The following RESF1 variants were observed in gnomAD, a reference collection of about 807,000 sequenced individuals.
The protein encoded by RESF1 is retroelement silencing factor 1, also known as gonad expressed transcript.
In RESF1, 65 loss-of-function variants were observed where a neutral mutation model predicts 134.7. That is an observed-to-expected ratio of 0.48 (90% confidence interval 0.40 to 0.59). The LOEUF is 0.59. RESF1 is among the 20% of genes least tolerant of loss of function. The probability of loss-of-function intolerance (pLI) is 0.00; values close to 1 mark genes in which losing one functional copy is unlikely to be tolerated. For missense variants in RESF1, 2,274 were observed against 2,002.7 expected (o/e 1.14, Z -2.59); for synonymous variants, 762 against 702.2 (o/e 1.09, Z -1.35).
chr12:31,972,588 AGAGT>A (rs752469934), intron 3 of RESF1, among the ~76,000 whole-genome samples: 8 of 140,168 alleles, frequency 5.7e-5, no homozygotes, highest in Non-Finnish European at 1.1e-4. Flanking sequence ...CCTGGGTGAC[AGAGT>A]GAGACTCCGT....
Position 31,983,820 on chromosome 12 carries a change from A to C in RESF1, c.2865A>C (p.Gln955His). 1.2e-6 allele frequency: 2 copies of C among 1,612,768 alleles called. No individual in the cohort carries two copies. The highest frequency in any genetic ancestry group is 3.3e-5 in the Admixed American group (2 of 59,860). ...CTGAAAATAAAGACTTTGGTTTTCA[A>C]AAAGATAAACCTGTACAGTGCACAG... ...NTTENKDFGF[Q>H]KDKPVQCTDV... The change falls in exon 4 of 6, where the codon CAA becomes CAC. Residue 955 changes from glutamine (Q) to histidine (H), a missense_variant. Physicochemically the swap from Gln to His is conservative, Grantham distance 24. Coordinates refer to ENST00000312561, the MANE Select transcript of RESF1 (RefSeq NM_018169.4).
At chr12:31,960,166 T>C (rs995870100) in intron 1 of RESF1, among the ~76,000 whole-genome samples, 1 of 152,162 alleles carries the variant, frequency 6.6e-6, no homozygotes, top group Non-Finnish European at 1.5e-5. Flanking sequence ...TTAGGTGTTC[T>C]CGAGGGACAC....
chr12:31,960,330 C>A (rs1273100961), intron 1 of RESF1, among the ~76,000 whole-genome samples: 1 of 151,976 alleles, frequency 6.6e-6, no homozygotes, highest in African/African-American at 2.4e-5. Context: ...CATTTAGTGG[C>A]GGGCGGGTGC....
rs763254695 is a variant in RESF1 at position 31,984,653 on chromosome 12, G to A, written c.3698G>A (p.Ser1233Asn). The A allele has an allele frequency of 5.7e-6, 9 of 1,578,442 alleles. No homozygotes were observed. The East Asian group carries it at 8.9e-5, about 16-fold the overall frequency. ...DRDVTVVQFK[S>N]LVNNPKTPPD... ...GATGTCACTGTTGTTCAATTTAAGA[G>A]CCTTGTAAATAATCCAAAGACTCCT... The change falls in exon 4 of 6, where the codon AGC becomes AAC. Residue 1233 changes from serine to asparagine, a missense_variant. By Grantham distance (46) the Ser-to-Asn change is conservative. Coordinates refer to ENST00000312561, the MANE Select transcript of RESF1 (RefSeq NM_018169.4).
intron 3 of RESF1, among the ~76,000 whole-genome samples, chr12:31,979,259 C>T (rs1939715154): frequency 6.6e-6 from 1 of 152,098 alleles, no homozygotes; most frequent in Non-Finnish European, 1.5e-5. Flanking sequence ...GAATTTTTTC[C>T]CAACTGACCA....
At position 31,985,100 on chromosome 12, in the gene RESF1, T is replaced by C. The variant is rs763866062; in HGVS notation, c.4145T>C (p.Val1382Ala). Residue 1382 changes from valine to alanine, a missense_variant, in exon 4 of 6, where the codon GTA (valine) becomes GCA (alanine). Transcript: ENST00000312561. Reference protein sequence around the residue: ...KQKRKLDQGNVLDMEVKKKKH... With the variant: ...KQKRKLDQGNALDMEVKKKKH... ...AAACGAAAGTTAGACCAAGGGAACGTATTAGATATGGAAGTAAAGAAAAAG... is the reference window on the plus strand; with the variant it reads ...AAACGAAAGTTAGACCAAGGGAACGCATTAGATATGGAAGTAAAGAAAAAG... 3.7e-5 allele frequency: 58 copies of C among 1,558,848 alleles called. No homozygotes were observed. Among genetic ancestry groups the C allele is most frequent in the South Asian group, 2.5e-4 (20 of 80,370 alleles).
rs540103410 is a variant in RESF1, at chr12:31,983,769, A to G, written c.2814A>G (p.Glu938=). 9.9e-6 allele frequency: 16 copies of G among 1,613,550 alleles called. No individual in the cohort carries two copies. The highest frequency in any genetic ancestry group is 1.7e-4 in the Middle Eastern group (1 of 6,060). Residue 938 remains glutamate (E), a synonymous_variant, in exon 4 of 6, where the codon GAA becomes GAG. Transcript: ENST00000312561. ...LPNQQGIGSR[E]PEKQLDNTTE... is the part of the protein sequence containing the mutation. Reference sequence around the variant, plus strand: ...ATCAGCAAGGGATTGGCAGCAGAGAACCAGAAAAACAATTAGATAATACCA... The same window carrying G: ...ATCAGCAAGGGATTGGCAGCAGAGAGCCAGAAAAACAATTAGATAATACCA...
chr12:31,967,625 C>G (rs1427750291), intron 2 of RESF1, among the ~76,000 whole-genome samples: 89 of 151,194 alleles, frequency 5.9e-4, no homozygotes, highest in African/African-American at 2.2e-3. Flanking sequence ...CGCCCACCCC[C>G]ACCCCCCACA....
Position 31,983,092 on chromosome 12 carries a change from G to A in RESF1, c.2137G>A (p.Val713Ile), listed in dbSNP as rs759349589. The A allele has an allele frequency of 9.9e-6, 16 of 1,613,044 alleles. No individual in the cohort carries two copies. The highest frequency in any genetic ancestry group is 8.0e-5 in the African/African-American group (6 of 74,862). The change falls in exon 4 of 6, where the codon GTT becomes ATT. Residue 713 changes from valine to isoleucine, a missense_variant. Val to Ile is a conservative substitution (Grantham distance 29). Transcript: ENST00000312561. ...VGISKPANIH[V>I]KSPCSVVGNS... ...AATTTCAAAGCCTGCTAACATCCACGTTAAGAGTCCTTGTTCAGTTGTGGG... is the reference window on the plus strand; with the variant it reads ...AATTTCAAAGCCTGCTAACATCCACATTAAGAGTCCTTGTTCAGTTGTGGG...
Position 31,984,718 on chromosome 12 carries a change from A to C in RESF1, c.3763A>C (p.Ser1255Arg). 2 of 1,602,904 alleles carry C rather than the reference A, an allele frequency of 1.2e-6. No individual in the cohort carries two copies. Among genetic ancestry groups the C allele is most frequent in the Non-Finnish European group, 1.7e-6 (2 of 1,177,460 alleles). Residue 1255 changes from serine to arginine, a missense_variant, in exon 4 of 6, where the codon AGT (serine) becomes CGT (arginine). Physicochemically the swap from Ser to Arg is moderately radical, Grantham distance 110. Transcript: ENST00000312561. ...TCATTTTCCTGAACTACAAGACGAC[A>C]GTAGAAAAGATACACCCAAAACAAA... The part of the protein sequence containing the change: ...KSHFPELQDD[S>R]RKDTPKTKHK...
At chr12:31,987,106 TA>T (rs1939990388) in intron 4 of RESF1, 132 bp from the exon 5 acceptor site, 1 of 581,588 alleles carries the variant, frequency 1.7e-6, no homozygotes, top group African/African-American at 2.0e-5. Context: ...GTCCTTTTTT[TA>T]GAGTTGTGTT....
chr12:31,970,786 C>T (rs1441675924), intron 3 of RESF1, among the ~76,000 whole-genome samples: 1 of 152,214 alleles, frequency 6.6e-6, no homozygotes. Context: ...CTATATGTTG[C>T]AATCAGTAGC....
chr12:31,992,303 C>T (rs998427862), intron 5 of RESF1, 75 bp from the exon 6 acceptor site: 6 of 1,270,584 alleles, frequency 4.7e-6, no homozygotes, highest in African/African-American at 1.5e-5. Context: ...ATATATTTTC[C>T]CTCTGAATTT....
chr12:31,973,026 T>A (rs1565840246), intron 3 of RESF1, among the ~76,000 whole-genome samples: 1 of 152,186 alleles, frequency 6.6e-6, no homozygotes, highest in African/African-American at 2.4e-5. Flanking sequence ...TTTCACTGTA[T>A]TTTTTGTAAC....
intron 2 of RESF1, among the ~76,000 whole-genome samples, chr12:31,968,550 G>A (rs1939446402): frequency 1.3e-5 from 2 of 151,240 alleles, no homozygotes; most frequent in South Asian, 4.2e-4. Context: ...TTGGGTTCAT[G>A]CCATTCTCCT....
chr12:31,985,670 C>G lies in RESF1; in HGVS notation c.4715C>G (p.Pro1572Arg). 1 of 1,612,902 alleles carries G rather than the reference C, an allele frequency of 6.2e-7. No homozygotes were observed. The highest frequency in any genetic ancestry group is 8.5e-7 in the Non-Finnish European group (1 of 1,179,736). ...GAAGCTCAATTCAGCCAAATGCCTC[C>G]CCAAGTAAAGGATCAAAAGAAATTA... The part of the protein sequence containing the change: ...SNEAQFSQMP[P>R]QVKDQKKLYL... Residue 1572 changes from proline to arginine, a missense_variant, in exon 4 of 6, where the codon CCC becomes CGC. Coordinates refer to ENST00000312561, the MANE Select transcript of RESF1 (RefSeq NM_018169.4).
At chr12:31,988,985 T>C (rs1940036493) in intron 5 of RESF1, among the ~76,000 whole-genome samples, 1 of 151,392 alleles carries the variant, frequency 6.6e-6, no homozygotes, top group African/African-American at 2.4e-5. Context: ...TGAGCCACCG[T>C]GTCCACCCGA....
intron 2 of RESF1, among the ~76,000 whole-genome samples, chr12:31,961,352 A>C: frequency 6.6e-6 from 1 of 152,304 alleles, no homozygotes; most frequent in East Asian, 1.9e-4. Flanking sequence ...CTGTAACCAC[A>C]CTGCTTTGGT....
At position 31,982,051 on chromosome 12, in the gene RESF1, C is replaced by G. The variant is rs1265872561; in HGVS notation, c.1096C>G (p.Gln366Glu). The G allele has an allele frequency of 6.2e-7, 1 of 1,614,048 alleles. No homozygotes were observed. Among genetic ancestry groups the G allele is most frequent in the South Asian group, 1.1e-5 (1 of 91,036 alleles). ...TGTGGATGGTGTTCAGACTCTTGCT[C>G]AAACTAATGAAGAGAAAATAATGGA... ...SSVDGVQTLA[Q>E]TNEEKIMDSC... Residue 366 changes from glutamine to glutamate, a missense_variant, in exon 4 of 6, where the codon CAA becomes GAA. Coordinates refer to ENST00000312561, the MANE Select transcript of RESF1 (RefSeq NM_018169.4).
Sources: gnomAD v4.1 joint callset for allele counts (sites outside exome capture counted in the v4.1 genomes callset) on GRCh38, gnomAD v4.1.1 for gene constraint, MANE v1.5 for transcripts, NCBI Gene and HGNC (gene_info 2026-07-23, HGNC 2026-07-21) for gene names.